Variants in AMPH observed in about 807,000 individuals in gnomAD.
The protein encoded by AMPH is amphiphysin.
AMPH carries 49 observed loss-of-function variants against 99.1 expected under a neutral mutation model. The observed-to-expected ratio is 0.49, with a 90% confidence interval of 0.39 to 0.63. AMPH has a LOEUF of 0.63. Ranked by LOEUF, AMPH falls within the 20% of genes least tolerant of loss-of-function variation. AMPH has a pLI of 0.00. For missense variants in AMPH, 759 were observed against 863.4 expected, an observed-to-expected ratio of 0.88 and a Z score of 1.52; for synonymous variants, 314 against 317.3, an observed-to-expected ratio of 0.99 and a Z score of 0.11.
intron 1 of AMPH, among the ~76,000 whole-genome samples, chr7:38,596,020 C>T (rs1793042455): frequency 6.6e-6 from 1 of 152,178 alleles, no homozygotes; most frequent in Admixed American, 6.5e-5. Context: ...CTGTGATGAA[C>T]ATATGGGTGC....
intron 1 of AMPH, among the ~76,000 whole-genome samples, chr7:38,574,578 C>G (rs144737817): frequency 1.5e-3 from 221 of 152,156 alleles, no homozygotes; most frequent in African/African-American, 5.0e-3. Flanking sequence ...AAACGGGTGG[C>G]CTGAAAAATG....
intron 1 of AMPH, among the ~76,000 whole-genome samples, chr7:38,566,280 A>T (rs1791739877): frequency 6.7e-6 from 1 of 149,918 alleles, no homozygotes; most frequent in African/African-American, 2.5e-5. Flanking sequence ...CTTGAAACTC[A>T]TTAATGTCTT....
At chr7:38,409,505 A>T (rs1252707734) in intron 17 of AMPH, among the ~76,000 whole-genome samples, 1 of 152,176 alleles carries the variant, frequency 6.6e-6, no homozygotes, top group Non-Finnish European at 1.5e-5. Context: ...AAGCTCTCTC[A>T]TGGTACCCCC....
Position 38,612,084 on chromosome 7 carries a change from C to CTTTTTTTTT in AMPH, c.69+19198_69+19199insAAAAAAAAA, listed in dbSNP as rs777855014. Among the ~76,000 whole-genome samples the CTTTTTTTTT allele has an allele frequency of 1.0e-3, 93 of 90,870 alleles. 2 individuals are homozygous for CTTTTTTTTT. The highest frequency in any genetic ancestry group is 1.5e-3 in the Non-Finnish European group (73 of 47,218). 59.6% of individuals were successfully genotyped at this position (90,870 alleles called of 152,430 possible). On this transcript the variant is annotated intron_variant, in intron 1 of 20. Transcript: ENST00000356264. The stretch of plus-strand genomic sequence containing the variant: ...ACTGCTAAGACTGATTTTTTGTCTT[C>CTTTTTTTTT]TTCTTTTTTTTTTTTTTTTTTTTTG...
intron 1 of AMPH, among the ~76,000 whole-genome samples, chr7:38,611,581 G>T (rs1364465251): frequency 6.6e-6 from 1 of 152,178 alleles, no homozygotes; most frequent in Non-Finnish European, 1.5e-5. Context: ...CAGCCTTAAT[G>T]GCTAAACCTT....
intron 1 of AMPH, among the ~76,000 whole-genome samples, chr7:38,561,472 T>C (rs1388131788): frequency 6.6e-6 from 1 of 152,210 alleles, no homozygotes; most frequent in African/African-American, 2.4e-5. Context: ...TGCTAGGCAC[T>C]GCACAACAGA....
At chr7:38,416,111 A>ATATATATATATATATATC (rs1785378218) in intron 17 of AMPH, among the ~76,000 whole-genome samples, 1 of 132,060 alleles carries the variant, frequency 7.6e-6, no homozygotes, top group Non-Finnish European at 1.6e-5. Context: ...GAATATATAT[A>ATATATATATATATATATC]TATATATATA....
rs1212207634 is a variant in AMPH at position 38,384,643 on chromosome 7, A to G, written c.*175T>C. 1 of 532,930 alleles carries G rather than the reference A, an allele frequency of 1.9e-6. No homozygotes were observed. 33.0% of individuals were successfully genotyped at this position (532,930 alleles called of 1,614,324 possible). A position where few individuals can be genotyped will look rare whatever the true frequency, so the allele number is the denominator to read the frequency against. On this transcript the variant is annotated 3_prime_UTR_variant, in exon 21 of 21. Transcript: ENST00000356264. ...TGAGTGAGGATTTTTTCCTTAATTTACTTTTTTTCCTCTTACATTTTTTTG... is the reference window on the plus strand; with the variant it reads ...TGAGTGAGGATTTTTTCCTTAATTTGCTTTTTTTCCTCTTACATTTTTTTG...
intron 1 of AMPH, among the ~76,000 whole-genome samples, chr7:38,607,507 T>C (rs1793474873): frequency 6.6e-6 from 1 of 152,176 alleles, no homozygotes; most frequent in African/African-American, 2.4e-5. Flanking sequence ...GAGGCTCCAG[T>C]GGTCAACAGC....
chr7:38,476,648 A>C (rs538112088), intron 6 of AMPH, among the ~76,000 whole-genome samples: 3 of 152,294 alleles, frequency 2.0e-5, no homozygotes, highest in Admixed American at 2.0e-4. Context: ...GTTTATTCTG[A>C]TCAAAATGTG....
intron 1 of AMPH, among the ~76,000 whole-genome samples, chr7:38,593,516 C>T (rs757243195): frequency 6.6e-6 from 1 of 152,198 alleles, no homozygotes; most frequent in Non-Finnish European, 1.5e-5. Context: ...CTGTAATTTT[C>T]CCTTTATTGC....
rs146457438 is a variant in AMPH, at chr7:38,465,502, G to A, written c.714C>T (p.His238=). Residue 238 remains histidine (H), a synonymous_variant, in exon 9 of 21, where the codon CAC becomes CAT. Transcript: ENST00000356264. ...YEVMTKLGDQ[H]ADKAFTIQGA... ...CTTGGATGGTGAAGGCCTTGTCGGC[G>A]TGCTGGTCACCCAGTTTTGTCATCA... is the stretch of plus-strand genomic sequence containing the variant. 2,478 of 1,585,558 alleles carry A rather than the reference G, an allele frequency of 1.6e-3. 4 individuals carry two copies. The highest frequency in any genetic ancestry group is 1.9e-3 in the Non-Finnish European group (2,158 of 1,164,202).
chr7:38,610,288 GAAAGAAAGA>G (rs1793598284), intron 1 of AMPH, among the ~76,000 whole-genome samples: 1 of 8,918 alleles, frequency 1.1e-4, no homozygotes, highest in African/African-American at 6.0e-4. Context: ...AAGAAAGAAA[GAAAGAAAGA>G]AAAGAAAAGA....
chr7:38,588,917 T>G (rs909929608), intron 1 of AMPH, among the ~76,000 whole-genome samples: 1 of 152,088 alleles, frequency 6.6e-6, no homozygotes, highest in African/African-American at 2.4e-5. Flanking sequence ...AACACCCTCC[T>G]CCACACCCTC....
chr7:38,431,808 C>T (rs1427534937), intron 13 of AMPH, among the ~76,000 whole-genome samples: 1 of 152,078 alleles, frequency 6.6e-6, no homozygotes, highest in Non-Finnish European at 1.5e-5. Flanking sequence ...AAAATGGTAC[C>T]ATGTGCCAAG....
At chr7:38,459,061 G>A (rs562947592) in intron 11 of AMPH, among the ~76,000 whole-genome samples, 5 of 151,934 alleles carry the variant, frequency 3.3e-5, no homozygotes, top group East Asian at 3.9e-4. Context: ...TACAAAAATC[G>A]GTAGCATTTC....
intron 1 of AMPH, among the ~76,000 whole-genome samples, chr7:38,617,404 T>G (rs937712172): frequency 3.9e-5 from 6 of 152,226 alleles, no homozygotes; most frequent in Admixed American, 3.9e-4. Flanking sequence ...CTTAAGAAAT[T>G]TTGTTATCCC....
At chr7:38,626,993 T>C (rs543226933) in intron 1 of AMPH, among the ~76,000 whole-genome samples, 1 of 152,158 alleles carries the variant, frequency 6.6e-6, no homozygotes, top group Non-Finnish European at 1.5e-5. Context: ...CAGGGACGCC[T>C]CTGTGAATAT....
chr7:38,387,405 A>G (rs772304451), intron 20 of AMPH, among the ~76,000 whole-genome samples: 20 of 152,222 alleles, frequency 1.3e-4, no homozygotes, highest in Admixed American at 7.9e-4. Flanking sequence ...ATGAAAGACT[A>G]TAAGTGGGAA....
Sources: allele counts gnomAD v4.1 joint callset (sites outside exome capture counted in the v4.1 genomes callset), GRCh38; gene constraint gnomAD v4.1.1; transcripts MANE v1.5; gene names NCBI Gene and HGNC (gene_info 2026-07-23, HGNC 2026-07-21).